ALG8: variants seen among roughly 807,000 people sequenced by gnomAD.
ALG8 encodes the protein dolichyl pyrophosphate Glc1Man9GlcNAc2 alpha-1,3-glucosyltransferase.
A neutral mutation model predicts 70.2 loss-of-function variants in ALG8; 48 were observed. That is an observed-to-expected ratio of 0.68 (90% CI 0.54 to 0.87). The LOEUF is 0.87. Among genes scored for constraint, ALG8 ranks in the 40% least tolerant of loss-of-function variants. ALG8 has a pLI of 0.00. For missense variants in ALG8, 572 were observed against 608.7 expected (o/e 0.94, Z 0.64); for synonymous variants, 234 against 229.0 (o/e 1.02, Z -0.20).
At chr11:78,138,501 T>A (rs565640281) in intron 1 of ALG8, among the ~76,000 whole-genome samples, 1 of 152,180 alleles carries the variant, frequency 6.6e-6, no homozygotes, top group Non-Finnish European at 1.5e-5. Context: ...TGATTACATA[T>A]ACGCATCAGT....
intron 1 of ALG8, among the ~76,000 whole-genome samples, chr11:78,136,913 T>C (rs1030459822): frequency 2.6e-5 from 4 of 152,136 alleles, no homozygotes; most frequent in Non-Finnish European, 5.9e-5. Context: ...TCCTTTTTTT[T>C]TTTTTGAGAC....
chr11:78,108,694 C>A (rs1056302445), intron 9 of ALG8, among the ~76,000 whole-genome samples: 1 of 152,144 alleles, frequency 6.6e-6, no homozygotes, highest in Non-Finnish European at 1.5e-5. Context: ...AAATGTTTTA[C>A]CTCAATTAAA....
At chr11:78,105,668 G>GA (rs953075006) in intron 10 of ALG8, among the ~76,000 whole-genome samples, 1 of 149,158 alleles carries the variant, frequency 6.7e-6, no homozygotes, top group South Asian at 2.1e-4. Context: ...AAAAAGAAAG[G>GA]AAAAAAAAGG....
chr11:78,113,400 C>T (rs2136901139), intron 7 of ALG8, among the ~76,000 whole-genome samples: 1 of 152,074 alleles, frequency 6.6e-6, no homozygotes, highest in East Asian at 1.9e-4. Context: ...TGAATGTGCA[C>T]AAAAATGTCT....
At position 78,124,300 on chromosome 11, in the gene ALG8, G is replaced by A. The variant is rs1407324378; in HGVS notation, c.175-86C>T. 4 of 1,413,922 alleles carry A rather than the reference G, an allele frequency of 2.8e-6. No individual in the cohort carries two copies. The African/African-American group carries it at 4.2e-5, about 15-fold the overall frequency. 87.6% of individuals were successfully genotyped at this position (1,413,922 alleles called of 1,614,324 possible). A position where few individuals can be genotyped will look rare whatever the true frequency, so the allele number is the denominator to read the frequency against. On this transcript the variant is annotated intron_variant, in intron 2 of 12. Transcript: ENST00000299626. ...ACGATTTAAAATTTTTCATTCTCTG[G>A]TCTTTAAAACAGCACAATAAGGCTG... is the stretch of plus-strand genomic sequence containing the variant.
intron 6 of ALG8, 83 bp from the exon 7 acceptor site, chr11:78,114,072 G>T (rs759036484): frequency 2.9e-6 from 4 of 1,401,622 alleles, no homozygotes; most frequent in African/African-American, 1.4e-5. Flanking sequence ...AAAACTAGAA[G>T]TATCCCACAA....
At chr11:78,127,797 C>A in intron 1 of ALG8, among the ~76,000 whole-genome samples, 1 of 151,408 alleles carries the variant, frequency 6.6e-6, no homozygotes, top group South Asian at 2.1e-4. Context: ...GCAACTGCCG[C>A]CCCCCGGGTT....
intron 7 of ALG8, among the ~76,000 whole-genome samples, chr11:78,113,339 T>C (rs2136900890): frequency 6.6e-6 from 1 of 152,268 alleles, no homozygotes; most frequent in South Asian, 2.1e-4. Flanking sequence ...TCTGTGTTTG[T>C]GTATGTGTAA....
chr11:78,106,595 C>T (rs1397254221), intron 10 of ALG8, among the ~76,000 whole-genome samples: 1 of 152,158 alleles, frequency 6.6e-6, no homozygotes, highest in African/African-American at 2.4e-5. Flanking sequence ...TCCAAAAACG[C>T]AGAAACAGAA....
intron 1 of ALG8, among the ~76,000 whole-genome samples, chr11:78,135,515 C>T (rs1293709183): frequency 2.6e-5 from 4 of 151,480 alleles, no homozygotes; most frequent in Non-Finnish European, 5.9e-5. Flanking sequence ...AATTCCAGGC[C>T]GGCCTGAGCA....
At chr11:78,110,072 A>G (rs570813111) in intron 8 of ALG8, among the ~76,000 whole-genome samples, 1 of 152,254 alleles carries the variant, frequency 6.6e-6, no homozygotes, top group Non-Finnish European at 1.5e-5. Context: ...TACCACTCTC[A>G]ACACCTGTGT....
chr11:78,137,987 C>T (rs957222554), intron 1 of ALG8, among the ~76,000 whole-genome samples: 1 of 152,106 alleles, frequency 6.6e-6, no homozygotes, highest in Non-Finnish European at 1.5e-5. Context: ...TGAGGTATTC[C>T]TGTACATGTG....
intron 3 of ALG8, among the ~76,000 whole-genome samples, chr11:78,123,434 C>A (rs1860920778): frequency 6.7e-6 from 1 of 149,188 alleles, no homozygotes; most frequent in African/African-American, 2.5e-5. Flanking sequence ...GTATTCAATA[C>A]TTAAAATTAA....
chr11:78,131,817 A>G (rs674484), intron 1 of ALG8, among the ~76,000 whole-genome samples: 33,125 of 152,018 alleles, frequency 0.22, 4,458 homozygotes, highest in African/African-American at 0.38. Flanking sequence ...TACTTGTCCT[A>G]TGATAGCTTC....
chr11:78,126,322 G>A (rs1004667760), intron 2 of ALG8, among the ~76,000 whole-genome samples: 7 of 151,740 alleles, frequency 4.6e-5, no homozygotes, highest in South Asian at 2.1e-4. Context: ...CCTGAGGTCC[G>A]GAGTTCGAGA....
At chr11:78,121,287 CTTT>C (rs376124604) in intron 3 of ALG8, 113 bp from the exon 4 acceptor site, 178 of 623,634 alleles carry the variant, frequency 2.9e-4, no homozygotes, top group East Asian at 3.9e-4. Flanking sequence ...ACATGCCATT[CTTT>C]TTTTTTTTTT....
At chr11:78,112,476 G>A in intron 8 of ALG8, 174 bp downstream of exon 8, 1 of 824,398 alleles carries the variant, frequency 1.2e-6, no homozygotes, top group Non-Finnish European at 1.9e-6. Context: ...TCTGTTTACT[G>A]CACTAAAGCC....
chr11:78,114,159 C>A, intron 6 of ALG8, 107 bp downstream of exon 6: 1 of 1,483,694 alleles, frequency 6.7e-7, no homozygotes, highest in Non-Finnish European at 9.3e-7. Context: ...GGATTAGCAG[C>A]TGAGATATCT....
intron 1 of ALG8, chr11:78,138,924 C>T (rs932759423): frequency 2.5e-6 from 1 of 395,468 alleles, no homozygotes; most frequent in African/African-American, 2.1e-5. Context: ...TCTTTCCTGC[C>T]ACAGGGCCTT....
Sources: allele counts gnomAD v4.1 joint callset (sites outside exome capture counted in the v4.1 genomes callset), GRCh38; gene constraint gnomAD v4.1.1; transcripts MANE v1.5; gene names NCBI Gene and HGNC (gene_info 2026-07-23, HGNC 2026-07-21).